The following MSRA variants were observed in gnomAD, a reference collection of about 807,000 sequenced individuals.
The protein encoded by MSRA is mitochondrial peptide methionine sulfoxide reductase.
A neutral mutation model predicts 31.3 loss-of-function variants in MSRA; 54 were observed. That is an observed-to-expected ratio of 1.73 (90% CI 1.39 to 2.17). The LOEUF is 2.17. MSRA is among the 30% of genes most tolerant of loss of function. The pLI is 0.00. For missense variants in MSRA, 507 were observed against 300.9 expected (o/e 1.69, Z -5.07); for synonymous variants, 169 against 116.5 (o/e 1.45, Z -2.90).
chr8:10,151,398 T>C (rs762170754), intron 1 of MSRA, among the ~76,000 whole-genome samples: 1 of 151,424 alleles, frequency 6.6e-6, no homozygotes, highest in Admixed American at 6.6e-5. Context: ...CATCCCAGCA[T>C]TTTGGGAGGC....
At chr8:10,161,621 C>G (rs938880671) in intron 1 of MSRA, among the ~76,000 whole-genome samples, 4 of 152,164 alleles carry the variant, frequency 2.6e-5, no homozygotes, top group African/African-American at 9.7e-5. Context: ...ACTGAAAGTC[C>G]TTTTTGGTAA....
chr8:10,059,965 G>A (rs754519563), intron 1 of MSRA, among the ~76,000 whole-genome samples: 27 of 152,206 alleles, frequency 1.8e-4, no homozygotes, highest in Non-Finnish European at 2.9e-4. Context: ...GATACACTGT[G>A]TTGGTAAATT....
At chr8:10,301,761 G>C in intron 4 of MSRA, 123 bp downstream of exon 4, 1 of 761,688 alleles carries the variant, frequency 1.3e-6, no homozygotes, top group Non-Finnish European at 2.1e-6. Context: ...TATGATTGCA[G>C]ACATTTATTG....
chr8:10,130,432 A>G (rs1801815238), intron 1 of MSRA, among the ~76,000 whole-genome samples: 1 of 152,190 alleles, frequency 6.6e-6, no homozygotes, highest in Non-Finnish European at 1.5e-5. Context: ...TGTGAATATT[A>G]TTTCAGATCT....
chr8:10,284,006 G>T (rs560040665), intron 3 of MSRA, among the ~76,000 whole-genome samples: 4 of 151,484 alleles, frequency 2.6e-5, no homozygotes, highest in African/African-American at 9.7e-5. Context: ...TTTTCCTCTT[G>T]GTAGATAGCC....
At chr8:10,382,800 T>C (rs1290596085) in intron 5 of MSRA, among the ~76,000 whole-genome samples, 1 of 152,180 alleles carries the variant, frequency 6.6e-6, no homozygotes, top group East Asian at 1.9e-4. Flanking sequence ...GAGGTCCCAC[T>C]CTGCCACTAA....
intron 1 of MSRA, among the ~76,000 whole-genome samples, chr8:10,073,606 T>A (rs1346678938): frequency 2.0e-5 from 3 of 152,126 alleles, no homozygotes; most frequent in Admixed American, 2.0e-4. Flanking sequence ...CTACCATGGT[T>A]GCAAACTCTT....
At position 10,285,097 on chromosome 8, in the gene MSRA, C is replaced by T. The variant is rs1328463739; in HGVS notation, c.332-16437C>T. Among the ~76,000 whole-genome samples the T allele has an allele frequency of 2.6e-5, 4 of 151,364 alleles. No individual in the cohort carries two copies. The East Asian group carries it at 7.8e-4, about 29-fold the overall frequency. Reference sequence around the variant, plus strand: ...AACAGCCATTTTTAAGTGTATTGTTCAGCAGTATGGAGCCCATTCCCTTCG... The same window carrying T: ...AACAGCCATTTTTAAGTGTATTGTTTAGCAGTATGGAGCCCATTCCCTTCG... On this transcript the variant is annotated intron_variant, in intron 3 of 5. Transcript: ENST00000317173.
intron 1 of MSRA, among the ~76,000 whole-genome samples, chr8:10,142,783 G>A (rs966886442): frequency 3.9e-5 from 6 of 152,170 alleles, no homozygotes; most frequent in South Asian, 2.1e-4. Flanking sequence ...AGTCAGTTGC[G>A]ATAATAGCCA....
chr8:10,189,608 T>A (rs192476324), intron 1 of MSRA, among the ~76,000 whole-genome samples: 1 of 152,354 alleles, frequency 6.6e-6, no homozygotes, highest in African/African-American at 2.4e-5. Context: ...ATTTTTTTTC[T>A]TTTTTAGCCA....
chr8:10,082,610 T>C (rs1798352427), intron 1 of MSRA, among the ~76,000 whole-genome samples: 1 of 152,202 alleles, frequency 6.6e-6, no homozygotes, highest in Non-Finnish European at 1.5e-5. Flanking sequence ...ATGGGACTTT[T>C]TGAACACTGA....
chr8:10,074,641 C>T (rs1023092383), intron 1 of MSRA, among the ~76,000 whole-genome samples: 18 of 151,928 alleles, frequency 1.2e-4, no homozygotes, highest in Non-Finnish European at 2.4e-4. Flanking sequence ...ATTGATAATA[C>T]ACCCCTTCTT....
intron 1 of MSRA, among the ~76,000 whole-genome samples, chr8:10,189,717 A>G (rs75366484): frequency 1.3e-3 from 201 of 152,214 alleles, no homozygotes; most frequent in African/African-American, 4.7e-3. Flanking sequence ...TATACTTTTT[A>G]TATATTCCTG....
intron 1 of MSRA, among the ~76,000 whole-genome samples, chr8:10,101,863 C>G (rs893328072): frequency 3.9e-5 from 6 of 152,186 alleles, no homozygotes; most frequent in African/African-American, 1.4e-4. Flanking sequence ...GCACAGATAT[C>G]TCTTTGAGCT....
chr8:10,231,056 G>T (rs1053820050), intron 2 of MSRA, among the ~76,000 whole-genome samples: 13 of 152,160 alleles, frequency 8.5e-5, no homozygotes, highest in African/African-American at 3.1e-4. Context: ...AAAGTGCTGG[G>T]ATTACAGGCA....
chr8:10,344,240 C>T (rs1218048751), intron 5 of MSRA, among the ~76,000 whole-genome samples: 1 of 152,140 alleles, frequency 6.6e-6, no homozygotes, highest in African/African-American at 2.4e-5. Context: ...TTCACCCCAT[C>T]TGTACGGTGA....
At chr8:10,115,634 T>C (rs573792994) in intron 1 of MSRA, among the ~76,000 whole-genome samples, 35 of 152,316 alleles carry the variant, frequency 2.3e-4, no homozygotes, top group African/African-American at 7.7e-4. Flanking sequence ...TGGCGCTTTC[T>C]AAAAGATTGA....
At chr8:10,351,491 A>T (rs917140547) in intron 5 of MSRA, among the ~76,000 whole-genome samples, 4 of 151,992 alleles carry the variant, frequency 2.6e-5, no homozygotes, top group Non-Finnish European at 5.9e-5. Context: ...TGACCTCATG[A>T]TCCACCCGCT....
intron 3 of MSRA, among the ~76,000 whole-genome samples, chr8:10,270,172 A>G (rs556672071): frequency 6.6e-6 from 1 of 152,352 alleles, no homozygotes; most frequent in Admixed American, 6.5e-5. Context: ...ATGGAATATT[A>G]TCAGAAAAAT....
Sources: allele counts gnomAD v4.1 joint callset (sites outside exome capture counted in the v4.1 genomes callset), GRCh38; gene constraint gnomAD v4.1.1; transcripts MANE v1.5; gene names NCBI Gene and HGNC (gene_info 2026-07-23, HGNC 2026-07-21).